Variants in MYOF observed in about 807,000 individuals in gnomAD.
The protein encoded by MYOF is fer-1-like 3, myoferlin.
A neutral mutation model predicts 284.2 loss-of-function variants in MYOF; 244 were observed. That is an observed-to-expected ratio of 0.86 (90% CI 0.77 to 0.95). The LOEUF (loss-of-function observed/expected upper bound fraction) is 0.95, where lower values mean the gene tolerates loss of function less well. Among genes scored for constraint, MYOF ranks in the 40% least tolerant of loss-of-function variants. The pLI is 0.00. For synonymous variants in MYOF, 904 were observed against 919.7 expected (o/e 0.98, Z 0.31); for missense variants, 2,496 against 2,560.6 (o/e 0.97, Z 0.54).
intron 5 of MYOF, among the ~76,000 whole-genome samples, chr10:93,423,635 C>T (rs866197703): frequency 2.7e-5 from 4 of 150,054 alleles, no homozygotes; most frequent in South Asian, 2.1e-4. Context: ...AGATTGAGAC[C>T]ATCCTGGCTA....
chr10:93,333,378 CAG>C (rs1196828346), intron 42 of MYOF, 66 bp from the exon 43 acceptor site: 29 of 1,398,100 alleles, frequency 2.1e-5, no homozygotes, highest in Non-Finnish European at 2.9e-5. Context: ...AGTTCAGGGA[CAG>C]ACTCAGCTCG....
intron 5 of MYOF, 96 bp downstream of exon 5, chr10:93,425,975 C>T: frequency 7.7e-7 from 1 of 1,297,238 alleles, no homozygotes; most frequent in Non-Finnish European, 1.1e-6. Context: ...GAGCTACAGG[C>T]TTGTGATCAA....
chr10:93,336,147 G>A, intron 40 of MYOF, 101 bp from the exon 41 acceptor site: 1 of 1,355,572 alleles, frequency 7.4e-7, no homozygotes, highest in African/African-American at 1.5e-5. Context: ...TTGTGGATGG[G>A]GCGACCGGAA....
intron 43 of MYOF, among the ~76,000 whole-genome samples, chr10:93,332,707 C>T (rs570511137): frequency 2.0e-3 from 299 of 151,882 alleles, no homozygotes; most frequent in African/African-American, 3.4e-3. Flanking sequence ...ATTAGCCGGG[C>T]GTGGTGGCAG....
chr10:93,378,577 A>C (rs995063369), intron 21 of MYOF, among the ~76,000 whole-genome samples: 3 of 151,300 alleles, frequency 2.0e-5, no homozygotes, highest in South Asian at 4.2e-4. Context: ...TAGATCTTTA[A>C]AAAATTAATA....
chr10:93,326,076 C>A (rs1843034168), intron 45 of MYOF, 111 bp from the exon 46 acceptor site: 1 of 1,344,274 alleles, frequency 7.4e-7, no homozygotes. Flanking sequence ...AATGGACAGG[C>A]AGTGCCAACA....
rs1395198830 is a variant in MYOF, at chr10:93,325,943, C to A, written c.5154G>T (p.Gln1718His). Residue 1718 changes from glutamine (Q) to histidine (H), a missense_variant, in exon 46 of 54, where the codon CAG (glutamine) becomes CAT (histidine). Physicochemically the swap from Gln to His is conservative, Grantham distance 24. Transcript: ENST00000359263. ...GCCGCTCTTCAGGGGCCCCGAGGTG[C>A]TGGTGCAGGATTTTGTTGGCTTCTG... is the stretch of plus-strand genomic sequence containing the variant. Reference protein sequence around the residue: ...DEFEANKILHQHLGAPEERLA... With the variant: ...DEFEANKILHHHLGAPEERLA... 1 of 1,613,902 alleles carries A rather than the reference C, an allele frequency of 6.2e-7. No individual in the cohort carries two copies. Among genetic ancestry groups the A allele is most frequent in the African/African-American group, 1.3e-5 (1 of 74,896 alleles).
At chr10:93,324,676 G>A (rs2133775968) in intron 46 of MYOF, 1 of 152,270 alleles carries the variant, frequency 6.6e-6, no homozygotes, top group East Asian at 1.9e-4. Context: ...AGAAGGAAGT[G>A]ACAAAACAAC....
intron 3 of MYOF, among the ~76,000 whole-genome samples, chr10:93,435,440 T>C (rs1849075944): frequency 6.6e-6 from 1 of 152,248 alleles, no homozygotes; most frequent in Non-Finnish European, 1.5e-5. Context: ...AGTTGTTCCC[T>C]GGAGGGCAAA....
In MYOF at chr10:93,452,219, G is replaced by C. The variant is rs1296373255; in HGVS notation, c.145-78C>G. The C allele has an allele frequency of 5.4e-5, 46 of 851,664 alleles. 1 individual carries two copies. The allele number at this position is 851,664 out of a possible 1,614,324, so 52.8% of individuals were successfully genotyped here. ...GCAGAGATTACACTAAGATGCACCA[G>C]TACTACATGTTGGGTCATTATTTTC... is the stretch of plus-strand genomic sequence containing the variant. On this transcript the variant is annotated intron_variant, in intron 2 of 53. Coordinates refer to ENST00000359263, the MANE Select transcript of MYOF (RefSeq NM_013451.4).
intron 7 of MYOF, among the ~76,000 whole-genome samples, chr10:93,407,598 C>T (rs1198497681): frequency 4.6e-5 from 7 of 150,716 alleles, no homozygotes; most frequent in Non-Finnish European, 8.9e-5. Context: ...ATTAGCTGGG[C>T]GTGGTGGCGG....
intron 43 of MYOF, among the ~76,000 whole-genome samples, chr10:93,332,941 G>T (rs1176577288): frequency 1.3e-5 from 2 of 152,148 alleles, no homozygotes; most frequent in African/African-American, 4.8e-5. Flanking sequence ...CCAGGTGGGA[G>T]GGGGGTCCCC....
chr10:93,422,865 G>T (rs941341730), intron 5 of MYOF, among the ~76,000 whole-genome samples: 1 of 152,044 alleles, frequency 6.6e-6, no homozygotes, highest in Non-Finnish European at 1.5e-5. Context: ...ATGGTGTGGC[G>T]CTGATCTCTT....
chr10:93,379,737 G>T, intron 21 of MYOF, 126 bp downstream of exon 21: 1 of 1,199,470 alleles, frequency 8.3e-7, no homozygotes, highest in South Asian at 1.6e-5. Flanking sequence ...TGTTCCTAGA[G>T]ACATTGCTCT....
At chr10:93,346,281 T>C (rs1369800333) in intron 37 of MYOF, among the ~76,000 whole-genome samples, 1 of 152,264 alleles carries the variant, frequency 6.6e-6, no homozygotes, top group Non-Finnish European at 1.5e-5. Context: ...GCAGATGAAT[T>C]TCAGAGGCTC....
At chr10:93,327,229 C>A (rs1843088992) in intron 45 of MYOF, among the ~76,000 whole-genome samples, 1 of 152,058 alleles carries the variant, frequency 6.6e-6, no homozygotes, top group Non-Finnish European at 1.5e-5. Flanking sequence ...GCCAACACAA[C>A]TGCCAGCTGT....
intron 1 of MYOF, among the ~76,000 whole-genome samples, chr10:93,480,073 A>G (rs1280868510): frequency 2.0e-5 from 3 of 152,214 alleles, no homozygotes; most frequent in African/African-American, 7.2e-5. Flanking sequence ...ACTGATCCAA[A>G]TATATTTTAA....
intron 12 of MYOF, 67 bp from the exon 13 acceptor site, chr10:93,399,562 G>A: frequency 8.8e-7 from 1 of 1,139,676 alleles, no homozygotes. Context: ...AATTTTAAAA[G>A]TTCTCTTATA....
rs1272409233 is a variant in MYOF at position 93,306,955 on chromosome 10, T to C, written c.*8A>G. 2 of 1,612,382 alleles carry C rather than the reference T, an allele frequency of 1.2e-6. No individual in the cohort carries two copies. The highest frequency in any genetic ancestry group is 1.7e-6 in the Non-Finnish European group (2 of 1,178,844). On this transcript the variant is annotated 3_prime_UTR_variant, in exon 54 of 54. Transcript: ENST00000359263. ...TGGATGACTCTTGAAATGAAGCCTT[T>C]GCCTTTGTTACACATTTGGCTTTAC... is the stretch of plus-strand genomic sequence containing the variant.
Sources: allele counts gnomAD v4.1 joint callset (sites outside exome capture counted in the v4.1 genomes callset), GRCh38; gene constraint gnomAD v4.1.1; transcripts MANE v1.5; gene names NCBI Gene and HGNC (gene_info 2026-07-23, HGNC 2026-07-21).